The following NUP205 variants were observed in gnomAD, a reference collection of about 807,000 sequenced individuals.
NUP205 encodes nuclear pore complex protein Nup205.
Under a neutral mutation model 253.8 loss-of-function variants are expected in NUP205, and 76 were observed. The observed-to-expected ratio is 0.30, with a 90% CI of 0.25 to 0.36. The LOEUF is 0.36. NUP205 is among the 10% of genes least tolerant of loss of function. The pLI is 1.00. For synonymous variants in NUP205, 832 were observed against 850.1 expected (o/e 0.98, Z 0.37); for missense variants, 2,162 against 2,425.5 (o/e 0.89, Z 2.28).
At chr7:135,633,126 A>G (rs973728658) in intron 35 of NUP205, among the ~76,000 whole-genome samples, 10 of 151,702 alleles carry the variant, frequency 6.6e-5, no homozygotes, top group Non-Finnish European at 1.5e-4. Context: ...CTGTCACACC[A>G]AGCTAATTTT....
chr7:135,599,256 T>A (rs556348949), intron 15 of NUP205, among the ~76,000 whole-genome samples: 11 of 152,338 alleles, frequency 7.2e-5, no homozygotes, highest in South Asian at 6.2e-4. Context: ...TTTTAGTGAC[T>A]GCATAAAATC....
At position 135,638,025 on chromosome 7, in the gene NUP205, G is replaced by A. The variant is rs1794846537; in HGVS notation, c.5231G>A (p.Ser1744Asn). The A allele has an allele frequency of 1.2e-6, 2 of 1,613,956 alleles. No individual in the cohort carries two copies. The highest frequency in any genetic ancestry group is 3.3e-5 in the Admixed American group (2 of 59,976). Residue 1744 changes from serine to asparagine, a missense_variant, in exon 37 of 43, where the codon AGC becomes AAC. By Grantham distance (46) the Ser-to-Asn change is conservative. Coordinates refer to ENST00000285968, the MANE Select transcript of NUP205 (RefSeq NM_015135.3). ...GATAATGTGGAGGGAGATAAAGTAA[G>A]CAAGAAAGATGAGATTGAACTGGCT... is the stretch of plus-strand genomic sequence containing the variant. ...QDDNVEGDKV[S>N]KKDEIELAMQ...
intron 1 of NUP205, among the ~76,000 whole-genome samples, chr7:135,560,120 A>C (rs1805545035): frequency 6.6e-6 from 1 of 152,040 alleles, no homozygotes; most frequent in African/African-American, 2.4e-5. Flanking sequence ...AGCCTCCCAA[A>C]GTGCTGGGAT....
intron 1 of NUP205, among the ~76,000 whole-genome samples, chr7:135,558,897 T>C (rs535762372): frequency 6.6e-6 from 1 of 152,320 alleles, no homozygotes; most frequent in South Asian, 2.1e-4. Flanking sequence ...TTTAAAGTAT[T>C]GGTTCTATTT....
rs61751960 is a variant in NUP205 at position 135,577,086 on chromosome 7, A to G, written c.606A>G (p.Leu202=). Residue 202 remains leucine (L), a synonymous_variant, in exon 5 of 43, where the codon CTA becomes CTG. Coordinates refer to ENST00000285968, the MANE Select transcript of NUP205 (RefSeq NM_015135.3). ...QIDVNNEFEK[L]QRERGLGSEK... is the part of the protein sequence containing the mutation. ...ATGTGAATAATGAGTTTGAGAAACT[A>G]CAGCGAGAGAGAGGTTTGGGCAGTG... 5.5e-3 allele frequency: 8,918 copies of G among 1,614,030 alleles called. 33 individuals are homozygous for G. Among genetic ancestry groups the G allele is most frequent in the Non-Finnish European group, 6.9e-3 (8,147 of 1,179,930 alleles).
intron 7 of NUP205, among the ~76,000 whole-genome samples, chr7:135,579,422 G>A (rs1353788955): frequency 2.0e-5 from 3 of 152,028 alleles, no homozygotes; most frequent in East Asian, 1.9e-4. Flanking sequence ...TTGAACTCCC[G>A]ACCTCAGGTG....
At position 135,562,909 on chromosome 7, in the gene NUP205, C is replaced by T. The variant is rs144955608; in HGVS notation, c.28+4937C>T. 5.6e-4 allele frequency among the ~76,000 whole-genome samples: 86 copies of T among 152,318 alleles called. 1 individual carries two copies. In the East Asian group the frequency reaches 0.012, roughly 22 times the overall value. ...GATCTTGCCAAACCCGTTTTCTGTA[C>T]TGCAGCTCTCTTGGCCTTTTGAGTT... is the stretch of plus-strand genomic sequence containing the variant. On this transcript the variant is annotated intron_variant, in intron 1 of 42. Coordinates refer to ENST00000285968, the MANE Select transcript of NUP205 (RefSeq NM_015135.3).
chr7:135,569,711 C>T (rs1196100841), intron 1 of NUP205, among the ~76,000 whole-genome samples: 1 of 151,892 alleles, frequency 6.6e-6, no homozygotes, highest in Non-Finnish European at 1.5e-5. Flanking sequence ...CAAGTTTAGT[C>T]ATTATTACTT....
At chr7:135,586,596 G>A (rs1806471889) in intron 8 of NUP205, among the ~76,000 whole-genome samples, 2 of 151,972 alleles carry the variant, frequency 1.3e-5, no homozygotes, top group Non-Finnish European at 2.9e-5. Flanking sequence ...CTTTAGCTAT[G>A]CCACACAAAT....
intron 21 of NUP205, 95 bp from the exon 22 acceptor site, chr7:135,607,152 A>C (rs560958448): frequency 6.9e-7 from 1 of 1,445,958 alleles, no homozygotes; most frequent in Non-Finnish European, 9.5e-7. Context: ...ACAGTACAGC[A>C]TATATTTAAA....
At chr7:135,607,958 T>A (rs1469111877) in intron 22 of NUP205, among the ~76,000 whole-genome samples, 1 of 150,410 alleles carries the variant, frequency 6.6e-6, no homozygotes, top group Non-Finnish European at 1.5e-5. Flanking sequence ...TGTCCCACCA[T>A]GCATGACTAA....
At chr7:135,599,761 A>G (rs958459561) in intron 15 of NUP205, among the ~76,000 whole-genome samples, 2 of 152,148 alleles carry the variant, frequency 1.3e-5, no homozygotes, top group Non-Finnish European at 2.9e-5. Context: ...CTTACTCTAA[A>G]AAACTTTCCC....
intron 22 of NUP205, among the ~76,000 whole-genome samples, chr7:135,610,754 G>A (rs549715576): frequency 1.3e-5 from 2 of 152,268 alleles, no homozygotes; most frequent in South Asian, 4.1e-4. Context: ...TAAGTAAGAA[G>A]AGCTTGTTAG....
rs1806064124 is a variant in NUP205, at chr7:135,573,689, AGC to A, written c.208_209del (p.Ala70GlnfsTer18). ...TTCAACAGCATGAGAAGGTTCAGAAAGCCAGTACAGAGGGAGTCGCCATTCAG... is the reference window on the plus strand; with the variant it reads ...TTCAACAGCATGAGAAGGTTCAGAAACAGTACAGAGGGAGTCGCCATTCAG... ...NVQQHEKVQK[A>X]STEGVAIQGQ... On this transcript the variant is annotated frameshift_variant, in exon 3 of 43. Transcript: ENST00000285968. LOFTEE classifies it high-confidence loss of function. The A allele has an allele frequency of 6.2e-7, 1 of 1,613,026 alleles. No homozygotes were observed. The highest frequency in any genetic ancestry group is 8.5e-7 in the Non-Finnish European group (1 of 1,179,776).
At chr7:135,562,233 G>C (rs1805601709) in intron 1 of NUP205, among the ~76,000 whole-genome samples, 2 of 151,974 alleles carry the variant, frequency 1.3e-5, no homozygotes, top group African/African-American at 4.8e-5. Flanking sequence ...GGCTCATTCT[G>C]TCGCCCAGAC....
At position 135,646,169 on chromosome 7, in the gene NUP205, T is replaced by C; in HGVS notation, c.5824T>C (p.Ser1942Pro). 6.2e-7 allele frequency: 1 copy of C among 1,613,098 alleles called. No individual in the cohort carries two copies. Among genetic ancestry groups the C allele is most frequent in the Non-Finnish European group, 8.5e-7 (1 of 1,179,094 alleles). Residue 1942 changes from serine to proline, a missense_variant, in exon 42 of 43, where the codon TCA becomes CCA. By Grantham distance (74) the Ser-to-Pro change is moderately conservative (BLOSUM62 -1). This residue lies in a region of NUP205 where 1,144 missense variants were observed against 1,280.9 expected (regional missense o/e 0.89). Transcript: ENST00000285968. The part of the protein sequence containing the change: ...KSRRLQDSFA[S>P]ETNLDFRSGL... ...TTTTTTATCTCTAGATTCCTTCGCC[T>C]CAGAAACCAATCTAGATTTTAGAAG...
At chr7:135,611,593 C>G (rs979095767) in intron 22 of NUP205, among the ~76,000 whole-genome samples, 1 of 151,746 alleles carries the variant, frequency 6.6e-6, no homozygotes, top group Non-Finnish European at 1.5e-5. Context: ...TTTTACTCCT[C>G]TCTGTATAAA....
chr7:135,647,947 A>G (rs1795041903), intron 42 of NUP205, among the ~76,000 whole-genome samples: 1 of 152,204 alleles, frequency 6.6e-6, no homozygotes, highest in East Asian at 1.9e-4. Flanking sequence ...AAACAAAAGC[A>G]TGCAAGTGGG....
intron 12 of NUP205, 130 bp from the exon 13 acceptor site, chr7:135,594,417 G>T (rs1793771266): frequency 1.9e-6 from 1 of 536,892 alleles, no homozygotes. Flanking sequence ...TAAATGATAG[G>T]CTTATTTTTG....
Sources: allele counts gnomAD v4.1 joint callset (sites outside exome capture counted in the v4.1 genomes callset), GRCh38; gene constraint gnomAD v4.1.1; regional missense constraint gnomAD v4.1.1; transcripts MANE v1.5; gene names NCBI Gene and HGNC (gene_info 2026-07-23, HGNC 2026-07-21).